The following TENM3 variants were observed in gnomAD, a reference collection of about 807,000 sequenced individuals.
The protein encoded by TENM3 is teneurin transmembrane protein 3, also known as teneurin-3.
In TENM3, 63 loss-of-function variants were observed where a neutral mutation model predicts 255.1. That is an observed-to-expected ratio of 0.25 (90% CI 0.20 to 0.30). The LOEUF is 0.30. TENM3 is among the 10% of genes least tolerant of loss of function. The pLI is 1.00. For synonymous variants in TENM3, 1,306 were observed against 1,322.3 expected, an observed-to-expected ratio of 0.99 and a Z score of 0.27; for missense variants, 2,929 against 3,461.1, an observed-to-expected ratio of 0.85 and a Z score of 3.86.
the TENM3 span, among the ~76,000 whole-genome samples, chr4:181,557,316 T>TAGCC: frequency 6.6e-6 from 1 of 152,182 alleles, no homozygotes; most frequent in South Asian, 2.1e-4. Flanking sequence ...AACCCTTGCA[T>TAGCC]AGCCACCTAG....
chr4:181,942,269 C>CTTTT, the TENM3 span, among the ~76,000 whole-genome samples: 1 of 106,148 alleles, frequency 9.4e-6, no homozygotes, highest in African/African-American at 3.7e-5. Context: ...GATGTTGGGC[C>CTTTT]TTTTTTTTTT....
chr4:182,591,040 G>C (rs1746593201), intron 3 of TENM3, among the ~76,000 whole-genome samples: 1 of 152,110 alleles, frequency 6.6e-6, no homozygotes, highest in African/African-American at 2.4e-5. Flanking sequence ...GAGATTGTTG[G>C]CTTTTTGTTC....
At chr4:181,541,136 G>A in the TENM3 span, among the ~76,000 whole-genome samples, 1 of 152,202 alleles carries the variant, frequency 6.6e-6, no homozygotes, top group Non-Finnish European at 1.5e-5. Flanking sequence ...CATTTTGGGA[G>A]GCTGAGGCTG....
chr4:182,367,218 G>A (rs571445815), intron 3 of TENM3, among the ~76,000 whole-genome samples: 81 of 152,278 alleles, frequency 5.3e-4, no homozygotes, highest in Non-Finnish European at 9.4e-4. Flanking sequence ...AGTTGGAACC[G>A]CTCCAGGAAG....
the TENM3 span, among the ~76,000 whole-genome samples, chr4:181,587,503 T>G: frequency 2.2e-4 from 33 of 152,316 alleles, no homozygotes; most frequent in African/African-American, 7.7e-4. Context: ...CCTTAGCGCC[T>G]GATATTTCAG....
intron 19 of TENM3, among the ~76,000 whole-genome samples, chr4:182,745,800 C>T (rs1761966719): frequency 8.6e-6 from 1 of 115,740 alleles, no homozygotes; most frequent in Admixed American, 1.0e-4. Flanking sequence ...TATTTAAAGC[C>T]ATAATCTCTC....
At chr4:181,875,114 G>T in the TENM3 span, among the ~76,000 whole-genome samples, 1 of 152,068 alleles carries the variant, frequency 6.6e-6, no homozygotes, top group African/African-American at 2.4e-5. Flanking sequence ...TCGCATTTTG[G>T]TAGAGTAAAA....
At chr4:182,601,976 C>T (rs932092397) in intron 4 of TENM3, among the ~76,000 whole-genome samples, 5 of 152,198 alleles carry the variant, frequency 3.3e-5, no homozygotes, top group African/African-American at 9.6e-5. Flanking sequence ...TAGGACTTCT[C>T]GCAAAGGCTG....
Position 182,793,171 on chromosome 4 carries a change from A to G in TENM3, c.6499A>G (p.Ser2167Gly). Residue 2167 changes from serine to glycine, a missense_variant, in exon 26 of 28, where the codon AGT (serine) becomes GGT (glycine). By Grantham distance (56) the Ser-to-Gly change is moderately conservative (BLOSUM62 0). Coordinates refer to ENST00000511685, the MANE Select transcript of TENM3 (RefSeq NM_001080477.4). The surrounding 1 kb of genome is among the most constrained non-coding windows in gnomAD (Gnocchi z 5.7). ...GNLHLLNPSN[S>G]ARLTPLRYDL... ...CCTCCATTTACTGAACCCAAGTAAC[A>G]GTGCGCGTCTGACACCCCTTCGCTA... The G allele has an allele frequency of 6.2e-7, 1 of 1,614,048 alleles. No homozygotes were observed. The highest frequency in any genetic ancestry group is 8.5e-7 in the Non-Finnish European group (1 of 1,179,896).
the TENM3 span, among the ~76,000 whole-genome samples, chr4:182,125,511 A>G: frequency 8.7e-3 from 1,331 of 152,312 alleles, 31 homozygotes; most frequent in Admixed American, 0.048. Context: ...ATGAAGGCTT[A>G]AAATTGACGT....
chr4:182,618,145 C>T (rs892765214), intron 4 of TENM3, among the ~76,000 whole-genome samples: 7 of 152,136 alleles, frequency 4.6e-5, no homozygotes, highest in African/African-American at 1.4e-4. Flanking sequence ...TTATTTCATT[C>T]AGTAGTTACA....
At chr4:181,644,722 C>T in the TENM3 span, among the ~76,000 whole-genome samples, 1 of 151,766 alleles carries the variant, frequency 6.6e-6, no homozygotes, top group African/African-American at 2.4e-5. Flanking sequence ...CTCTTTTATG[C>T]TTATTACCCA....
intron 11 of TENM3, among the ~76,000 whole-genome samples, chr4:182,682,832 G>A (rs1254006562): frequency 6.6e-6 from 1 of 151,910 alleles, no homozygotes; most frequent in Non-Finnish European, 1.5e-5. Flanking sequence ...TGCCATTCTA[G>A]TGTGGAAGAT....
At chr4:181,987,677 T>G in the TENM3 span, among the ~76,000 whole-genome samples, 4 of 152,258 alleles carry the variant, frequency 2.6e-5, no homozygotes, top group African/African-American at 9.6e-5. Context: ...GACAACGGCA[T>G]AAGGAAAATG....
At chr4:182,473,128 C>G (rs889222245) in intron 3 of TENM3, among the ~76,000 whole-genome samples, 1 of 152,066 alleles carries the variant, frequency 6.6e-6, no homozygotes, top group Non-Finnish European at 1.5e-5. Flanking sequence ...TCCACATTTC[C>G]TGGAATATTT....
At chr4:181,694,371 A>G in the TENM3 span, among the ~76,000 whole-genome samples, 1 of 152,174 alleles carries the variant, frequency 6.6e-6, no homozygotes, top group Non-Finnish European at 1.5e-5. Flanking sequence ...AACCTTTACT[A>G]AGCACCTACT....
rs76887371 is a variant in TENM3, at chr4:182,737,297, T to C, written c.3235+222T>C. ...TATCAGCCTTTTCTGGCTGAAATTA[T>C]GTTGTAGAGGAATTCTGTGAATGAG... is the stretch of plus-strand genomic sequence containing the variant. On this transcript the variant is annotated intron_variant, in intron 17 of 27. Coordinates refer to ENST00000511685, the MANE Select transcript of TENM3 (RefSeq NM_001080477.4). 0.016 allele frequency among the ~76,000 whole-genome samples: 2,409 copies of C among 152,316 alleles called. 73 individuals carry two copies. The highest frequency in any genetic ancestry group is 0.056 in the African/African-American group (2,313 of 41,560).
the TENM3 span, among the ~76,000 whole-genome samples, chr4:182,129,579 G>A: frequency 6.6e-6 from 1 of 152,144 alleles, no homozygotes; most frequent in Non-Finnish European, 1.5e-5. Flanking sequence ...AGCTTTAGGT[G>A]TCGAAGGATA....
intron 23 of TENM3, 195 bp downstream of exon 23, chr4:182,773,842 A>G: frequency 4.5e-6 from 2 of 444,106 alleles, no homozygotes; most frequent in Non-Finnish European, 3.9e-6. Context: ...ATATAAGATA[A>G]TCTGTCATCC....
Sources: allele counts gnomAD v4.1 joint callset (sites outside exome capture counted in the v4.1 genomes callset), GRCh38; gene constraint gnomAD v4.1.1; non-coding constraint Gnocchi (gnomAD v3.1); transcripts MANE v1.5; gene names NCBI Gene and HGNC (gene_info 2026-07-23, HGNC 2026-07-21).